The following ANKMY1 variants were observed in gnomAD, a reference collection of about 807,000 sequenced individuals.
ANKMY1 encodes the protein ankyrin repeat and MYND domain containing 1.
A neutral mutation model predicts 102.0 loss-of-function variants in ANKMY1; 98 were observed. The ratio of observed to expected loss-of-function variants is 0.96; its 90% CI spans 0.82 to 1.14. ANKMY1 has a LOEUF of 1.14. ANKMY1 is among the 50% of genes most tolerant of loss of function. ANKMY1 has a pLI of 0.00. For missense variants in ANKMY1, 1,330 were observed against 1,347.6 expected (o/e 0.99, Z 0.20); for synonymous variants, 582 against 559.9 (o/e 1.04, Z -0.56).
upstream of ANKMY1, among the ~76,000 whole-genome samples, chr2:240,559,582 C>A (rs145496978): frequency 7.5e-4 from 114 of 152,298 alleles, no homozygotes; most frequent in African/African-American, 2.4e-3. Flanking sequence ...CAATGGCTCC[C>A]ATGAACGCCA....
At position 240,499,869 on chromosome 2, in the gene ANKMY1, G is replaced by C. The variant is rs2077867069; in HGVS notation, c.2806+89C>G. ...CAGGAAGGCCCCTCCAAGAGCCCCA[G>C]GGGGTCCAGATCTCCAGGGATAACA... On this transcript the variant is annotated intron_variant, in intron 15 of 17. Coordinates refer to ENST00000401804, the MANE Select transcript of ANKMY1 (RefSeq NM_001282771.3). The surrounding 1 kb of genome is among the most constrained non-coding windows in gnomAD (Gnocchi z 4.2). 6.9e-7 allele frequency: 1 copy of C among 1,459,596 alleles called. No homozygotes were observed. The highest frequency in any genetic ancestry group is 2.4e-5 in the East Asian group (1 of 41,118). 90.4% of individuals were successfully genotyped at this position (1,459,596 alleles called of 1,614,324 possible).
intron 4 of ANKMY1, among the ~76,000 whole-genome samples, chr2:240,549,899 C>T (rs2125045214): frequency 6.6e-6 from 1 of 152,086 alleles, no homozygotes; most frequent in African/African-American, 2.4e-5. Flanking sequence ...GAAACAGGAA[C>T]ACTTTTACAC....
At chr2:240,553,184 G>A (rs2091829153) in intron 3 of ANKMY1, 127 bp from the exon 4 acceptor site, 2 of 1,143,346 alleles carry the variant, frequency 1.7e-6, no homozygotes, top group Non-Finnish European at 2.4e-6. Context: ...CAGAACTCAG[G>A]GATGCCTGGC....
At chr2:240,528,524 G>A (rs1389688396) in intron 5 of ANKMY1, among the ~76,000 whole-genome samples, 5 of 152,064 alleles carry the variant, frequency 3.3e-5, no homozygotes, top group Non-Finnish European at 2.9e-5. Context: ...AACAAACCCT[G>A]CTCTCCATGT....
chr2:240,479,807 C>T, intron 17 of ANKMY1, 152 bp from the exon 18 acceptor site: 2 of 675,836 alleles, frequency 3.0e-6, no homozygotes, highest in Non-Finnish European at 5.1e-6. Flanking sequence ...GCAGCAAGGA[C>T]TGAGGGCTAT....
At chr2:240,483,124 T>A (rs1412955181) in intron 15 of ANKMY1, among the ~76,000 whole-genome samples, 2 of 152,212 alleles carry the variant, frequency 1.3e-5, no homozygotes. Context: ...CATGTTAGTT[T>A]TTCATCCTTT....
chr2:240,492,532 T>G (rs1485966954), intron 15 of ANKMY1, among the ~76,000 whole-genome samples: 1 of 152,234 alleles, frequency 6.6e-6, no homozygotes, highest in Non-Finnish European at 1.5e-5. Flanking sequence ...TTGTATTTCC[T>G]TCCATGAATT....
At chr2:240,510,684 C>A (rs1167969441) in intron 11 of ANKMY1, among the ~76,000 whole-genome samples, 2 of 152,158 alleles carry the variant, frequency 1.3e-5, no homozygotes, top group African/African-American at 4.8e-5. Context: ...TGCTGAGGGG[C>A]TCCTGGGAAA....
At chr2:240,537,146 C>T (rs760839893) in intron 4 of ANKMY1, among the ~76,000 whole-genome samples, 94 of 152,270 alleles carry the variant, frequency 6.2e-4, no homozygotes, top group Non-Finnish European at 1.1e-3. Flanking sequence ...GTGATGAGGC[C>T]CAGAGAGACC....
intron 15 of ANKMY1, among the ~76,000 whole-genome samples, chr2:240,491,091 CTTTT>C (rs200434647): frequency 2.3e-5 from 3 of 129,574 alleles, no homozygotes; most frequent in East Asian, 2.4e-4. Context: ...ATGACTTTGT[CTTTT>C]TTTTTTTTTT....
chr2:240,473,899 A>G, the ANKMY1 span, among the ~76,000 whole-genome samples: 2 of 152,238 alleles, frequency 1.3e-5, no homozygotes, highest in African/African-American at 4.8e-5. Flanking sequence ...ACAAGCCTAC[A>G]GCTAACATTA....
At chr2:240,543,217 G>C (rs545071042) in intron 4 of ANKMY1, among the ~76,000 whole-genome samples, 3 of 151,970 alleles carry the variant, frequency 2.0e-5, no homozygotes, top group South Asian at 4.1e-4. Flanking sequence ...GCCGGGTGTG[G>C]TGGCGGGCAC....
chr2:240,538,177 C>G (rs1465197873), intron 4 of ANKMY1, among the ~76,000 whole-genome samples: 1 of 152,256 alleles, frequency 6.6e-6, no homozygotes, highest in East Asian at 1.9e-4. Flanking sequence ...TCCGCTCCCG[C>G]CGCGCTTGAG....
chr2:240,485,331 G>GA (rs1012691402), intron 15 of ANKMY1, among the ~76,000 whole-genome samples: 18 of 147,678 alleles, frequency 1.2e-4, no homozygotes, highest in Middle Eastern at 3.6e-3. Flanking sequence ...CCGTCTCAAA[G>GA]AAAAAAAAAA....
intron 5 of ANKMY1, 132 bp from the exon 6 acceptor site, chr2:240,526,577 T>C (rs10933611): frequency 0.69 from 1,028,424 of 1,485,688 alleles, 357,654 homozygotes; most frequent in East Asian, 0.85. Flanking sequence ...ACTCCTCAGG[T>C]ACCCTGAGTG....
At chr2:240,478,669 C>T (rs2075024132), downstream of ANKMY1, among the ~76,000 whole-genome samples, 1 of 152,094 alleles carries the variant, frequency 6.6e-6, no homozygotes, top group Non-Finnish European at 1.5e-5. Flanking sequence ...AAGCCTTTCC[C>T]AGGGCACCCC....
Position 240,512,013 on chromosome 2 carries a change from G to T in ANKMY1, c.2146-12C>A. On this transcript the variant is annotated splice_polypyrimidine_tract_variant and intron_variant, in intron 10 of 17. Transcript: ENST00000401804. Reference sequence around the variant, plus strand: ...GGCAGCAGGTCCAGCTGTGTAAAACGGAGGGCTCCGCCAGCGCCCACGGAC... The same window carrying T: ...GGCAGCAGGTCCAGCTGTGTAAAACTGAGGGCTCCGCCAGCGCCCACGGAC... The T allele has an allele frequency of 6.5e-7, 1 of 1,526,864 alleles. No homozygotes were observed. The allele number at this position is 1,526,864 out of a possible 1,614,324, so 94.6% of individuals were successfully genotyped here.
At chr2:240,560,952 G>T, upstream of ANKMY1, 1 of 1,525,260 alleles carries the variant, frequency 6.6e-7, no homozygotes. Flanking sequence ...CGCCGCCATG[G>T]AGGCCGCGGT....
rs574258051 is a variant in ANKMY1 at position 240,536,918 on chromosome 2, TCTCA to T, written c.481-7413_481-7410del. On this transcript the variant is annotated intron_variant, in intron 4 of 17. Coordinates refer to ENST00000401804, the MANE Select transcript of ANKMY1 (RefSeq NM_001282771.3). ...CTTTTTAAAATAAATAGAGAGAGGG[TCTCA>T]CTATGTTGCCCAGGCTAGTTTCAAA... 4.3e-3 allele frequency among the ~76,000 whole-genome samples: 648 copies of T among 152,248 alleles called. 7 individuals carry two copies. The highest frequency in any genetic ancestry group is 0.015 in the African/African-American group (623 of 41,520).
Sources: allele counts gnomAD v4.1 joint callset (sites outside exome capture counted in the v4.1 genomes callset), GRCh38; gene constraint gnomAD v4.1.1; non-coding constraint Gnocchi (gnomAD v3.1); transcripts MANE v1.5; gene names NCBI Gene and HGNC (gene_info 2026-07-23, HGNC 2026-07-21).